Variants in RBFOX1 observed in about 807,000 individuals in gnomAD.
RBFOX1 encodes RNA binding fox-1 homolog 1.
In RBFOX1, 8 loss-of-function variants were observed where a neutral mutation model predicts 57.7. That is an observed-to-expected ratio of 0.14 (90% CI 0.08 to 0.25). RBFOX1 has a LOEUF of 0.25. Among genes scored for constraint, RBFOX1 ranks in the 10% least tolerant of loss-of-function variants. The probability of loss-of-function intolerance (pLI) is 1.00; values close to 1 mark genes in which losing one functional copy is unlikely to be tolerated. For missense variants in RBFOX1, 611 were observed against 548.5 expected (o/e 1.11, Z -1.14); for synonymous variants, 326 against 222.4 (o/e 1.47, Z -4.15).
chr16:5,882,465 G>C (rs2057786633), intron 4 of RBFOX1, among the ~76,000 whole-genome samples: 1 of 152,232 alleles, frequency 6.6e-6, no homozygotes, highest in East Asian at 1.9e-4. Context: ...AAACTGCAAG[G>C]GTGCCTGGGA....
intron 3 of RBFOX1, among the ~76,000 whole-genome samples, chr16:7,025,496 C>G (rs562128027): frequency 2.6e-5 from 4 of 152,218 alleles, no homozygotes; most frequent in African/African-American, 7.2e-5. Flanking sequence ...CTTGTTGTAC[C>G]CAGCCCCTAT....
At chr16:7,451,625 G>T (rs1480634967) in intron 4 of RBFOX1, among the ~76,000 whole-genome samples, 1 of 152,144 alleles carries the variant, frequency 6.6e-6, no homozygotes, top group Non-Finnish European at 1.5e-5. Context: ...ATTGGACTAT[G>T]CTAACATTTT....
chr16:7,550,190 C>G (rs1307438286), intron 5 of RBFOX1, among the ~76,000 whole-genome samples: 1 of 152,256 alleles, frequency 6.6e-6, no homozygotes, highest in Non-Finnish European at 1.5e-5. Context: ...CTCGGCCTCC[C>G]GAAGCACTGG....
At position 6,569,146 on chromosome 16, in the gene RBFOX1, T is replaced by C. The variant is rs141173007; in HGVS notation, c.-63-85457T>C. The stretch of plus-strand genomic sequence containing the variant: ...TCTGCCTCTTGATATCCATGTAAAC[T>C]GAGGATATTTTGAAGCTTTTCTTCT... On this transcript the variant is annotated intron_variant, in intron 2 of 15. Coordinates refer to ENST00000550418, the MANE Select transcript of RBFOX1 (RefSeq NM_018723.4). 7.7e-3 allele frequency among the ~76,000 whole-genome samples: 1,167 copies of C among 152,328 alleles called. 6 individuals are homozygous for C. Among genetic ancestry groups the C allele is most frequent in the Non-Finnish European group, 0.012 (832 of 68,022 alleles).
chr16:5,828,620 A>G (rs1274269855), intron 3 of RBFOX1, among the ~76,000 whole-genome samples: 1 of 152,116 alleles, frequency 6.6e-6, no homozygotes, highest in Non-Finnish European at 1.5e-5. Flanking sequence ...GATCGGTTGA[A>G]CCCAGGAGGC....
intron 2 of RBFOX1, among the ~76,000 whole-genome samples, chr16:6,501,643 C>T (rs773076984): frequency 1.7e-4 from 26 of 152,020 alleles, no homozygotes; most frequent in Non-Finnish European, 2.4e-4. Flanking sequence ...ATTTAGAATC[C>T]AAACATTCTT....
At chr16:5,951,150 A>G (rs894213943) in intron 4 of RBFOX1, among the ~76,000 whole-genome samples, 11 of 152,146 alleles carry the variant, frequency 7.2e-5, no homozygotes, top group Admixed American at 1.3e-4. Context: ...TTTTTATTTA[A>G]AAAGAGTATA....
At chr16:5,288,829 C>T (rs2063463325) in intron 1 of RBFOX1, among the ~76,000 whole-genome samples, 1 of 151,900 alleles carries the variant, frequency 6.6e-6, no homozygotes, top group African/African-American at 2.4e-5. Flanking sequence ...GAGCAGGTAA[C>T]CATAAAACTC....
chr16:6,658,036 T>A (rs2154094381), intron 3 of RBFOX1, among the ~76,000 whole-genome samples: 1 of 152,298 alleles, frequency 6.6e-6, no homozygotes, highest in South Asian at 2.1e-4. Flanking sequence ...TTGTTGAATA[T>A]CTTCTTGATA....
chr16:5,660,641 A>G (rs555540878), intron 3 of RBFOX1, among the ~76,000 whole-genome samples: 2 of 152,200 alleles, frequency 1.3e-5, no homozygotes, highest in East Asian at 3.9e-4. Context: ...TTCTCTGCAC[A>G]GTTCATTATT....
intron 3 of RBFOX1, among the ~76,000 whole-genome samples, chr16:7,049,074 G>A (rs1019945482): frequency 2.6e-5 from 4 of 152,136 alleles, no homozygotes; most frequent in African/African-American, 9.7e-5. Flanking sequence ...AGAGGTCAGT[G>A]CAGGAGTTTA....
At chr16:6,938,095 C>G (rs2077679821) in intron 3 of RBFOX1, among the ~76,000 whole-genome samples, 1 of 151,960 alleles carries the variant, frequency 6.6e-6, no homozygotes, top group African/African-American at 2.4e-5. Context: ...GAAGAAACTG[C>G]AATCACATAC....
At chr16:7,217,938 ATG>A (rs757044965) in intron 4 of RBFOX1, among the ~76,000 whole-genome samples, 150 of 149,798 alleles carry the variant, frequency 1.0e-3, no homozygotes, top group Middle Eastern at 3.5e-3. Context: ...GTGTGCGTGC[ATG>A]TGTGTGTGTG....
At chr16:6,903,380 T>G (rs1477353850) in intron 3 of RBFOX1, among the ~76,000 whole-genome samples, 3 of 152,242 alleles carry the variant, frequency 2.0e-5, no homozygotes, top group Non-Finnish European at 2.9e-5. Context: ...TTGCACAGAT[T>G]CTAACATAGA....
chr16:6,199,900 A>G (rs2097204363), intron 1 of RBFOX1, among the ~76,000 whole-genome samples: 1 of 152,206 alleles, frequency 6.6e-6, no homozygotes, highest in Non-Finnish European at 1.5e-5. Flanking sequence ...CACATAAGTT[A>G]TGTCCTGGAC....
In RBFOX1 at chr16:6,796,360, A is replaced by G. The variant is rs186405177; in HGVS notation, c.-16+141710A>G. The stretch of plus-strand genomic sequence containing the variant: ...GTGAGTGGGTACACAGCCAAACCAT[A>G]TCAGTTACTATAGTCATTTTTTGGC... On this transcript the variant is annotated intron_variant, in intron 3 of 15. Transcript: ENST00000550418. Among the ~76,000 whole-genome samples the G allele has an allele frequency of 1.8e-3, 276 of 152,232 alleles. 3 individuals carry two copies. Among genetic ancestry groups the G allele is most frequent in the African/African-American group, 6.3e-3 (261 of 41,526 alleles).
intron 1 of RBFOX1, among the ~76,000 whole-genome samples, chr16:6,098,201 G>T (rs1234211736): frequency 9.2e-5 from 14 of 152,166 alleles, no homozygotes. Flanking sequence ...CCCTGGGAGG[G>T]CCTGTGTGAC....
chr16:7,196,431 A>G (rs903720753), intron 4 of RBFOX1, among the ~76,000 whole-genome samples: 4 of 152,178 alleles, frequency 2.6e-5, no homozygotes, highest in African/African-American at 9.7e-5. Context: ...AACATCTTTC[A>G]TTCAGACCAT....
chr16:6,268,954 A>C (rs1352356879), intron 1 of RBFOX1, among the ~76,000 whole-genome samples: 4 of 152,212 alleles, frequency 2.6e-5, no homozygotes, highest in Non-Finnish European at 5.9e-5. Context: ...TAGTGTTTGC[A>C]TATAACCTAA....
Sources: gnomAD v4.1 joint callset for allele counts (sites outside exome capture counted in the v4.1 genomes callset) on GRCh38, gnomAD v4.1.1 for gene constraint, MANE v1.5 for transcripts, NCBI Gene and HGNC (gene_info 2026-07-23, HGNC 2026-07-21) for gene names.